MNAT1: variants seen among roughly 807,000 people sequenced by gnomAD.
The protein encoded by MNAT1 is CDK-activating kinase assembly factor MAT1.
MNAT1 carries 43 observed loss-of-function variants against 42.0 expected under a neutral mutation model. That is an observed-to-expected ratio of 1.02 (90% CI 0.80 to 1.32). MNAT1 has a LOEUF of 1.32. MNAT1 is among the 40% of genes most tolerant of loss of function. The pLI is 0.00. For synonymous variants in MNAT1, 118 were observed against 120.0 expected (o/e 0.98, Z 0.11); for missense variants, 306 against 350.4 (o/e 0.87, Z 1.01).
At chr14:60,928,862 C>T (rs1306619651) in intron 7 of MNAT1, among the ~76,000 whole-genome samples, 1 of 151,490 alleles carries the variant, frequency 6.6e-6, no homozygotes, top group African/African-American at 2.4e-5. Flanking sequence ...TAATCTGTGG[C>T]TGGGCACAGT....
At chr14:60,798,218 A>G (rs1229583633) in intron 3 of MNAT1, 58 bp downstream of exon 3, 14 of 897,586 alleles carry the variant, frequency 1.6e-5, no homozygotes, top group Non-Finnish European at 2.3e-5. Context: ...TATCTTTTAA[A>G]TGCTTAGGAG....
At chr14:60,871,966 A>G (rs973032418) in intron 6 of MNAT1, among the ~76,000 whole-genome samples, 4 of 152,204 alleles carry the variant, frequency 2.6e-5, no homozygotes, top group Admixed American at 2.0e-4. Context: ...TGATCGAATT[A>G]TAAAATATGT....
At chr14:60,886,644 A>G (rs2034679353) in intron 7 of MNAT1, among the ~76,000 whole-genome samples, 1 of 152,026 alleles carries the variant, frequency 6.6e-6, no homozygotes, top group Non-Finnish European at 1.5e-5. Flanking sequence ...CAAAAAAGCT[A>G]ATGTAATGTT....
chr14:60,899,331 A>G (rs865919564), intron 7 of MNAT1, among the ~76,000 whole-genome samples: 2 of 152,232 alleles, frequency 1.3e-5, no homozygotes, highest in African/African-American at 4.8e-5. Context: ...GTCACAAGAC[A>G]TGATAATATC....
intron 1 of MNAT1, among the ~76,000 whole-genome samples, chr14:60,766,370 A>G (rs904628380): frequency 6.6e-6 from 1 of 151,452 alleles, no homozygotes; most frequent in Non-Finnish European, 1.5e-5. Context: ...AAAAAAAGAA[A>G]TACAAATTAC....
intron 6 of MNAT1, among the ~76,000 whole-genome samples, chr14:60,843,521 C>T (rs970823954): frequency 3.3e-5 from 5 of 152,110 alleles, no homozygotes; most frequent in Non-Finnish European, 5.9e-5. Context: ...CCGCCTGTCT[C>T]GGCCTCCCAA....
intron 7 of MNAT1, among the ~76,000 whole-genome samples, chr14:60,915,603 C>T (rs2035495300): frequency 6.6e-6 from 1 of 152,166 alleles, no homozygotes; most frequent in African/African-American, 2.4e-5. Context: ...TGCTTTGTTT[C>T]AGCCTCCTTA....
Position 60,968,491 on chromosome 14 carries a change from T to A in MNAT1, c.*142T>A. ...TTAAAGTATTTATAAGGAGAAAATT[T>A]CAGAACTAAGTTGAGTAATATAGGG... On this transcript the variant is annotated 3_prime_UTR_variant, in exon 8 of 8. Coordinates refer to ENST00000261245, the MANE Select transcript of MNAT1 (RefSeq NM_002431.4). 6.7e-7 allele frequency: 1 copy of A among 1,502,616 alleles called. No individual in the cohort carries two copies. The highest frequency in any genetic ancestry group is 2.5e-5 in the East Asian group (1 of 39,358). The allele number at this position is 1,502,616 out of a possible 1,614,324, so 93.1% of individuals were successfully genotyped here.
chr14:60,751,265 AT>A (rs934980933), intron 1 of MNAT1, among the ~76,000 whole-genome samples: 7 of 151,158 alleles, frequency 4.6e-5, no homozygotes, highest in East Asian at 1.9e-4. Flanking sequence ...GACTAAATAC[AT>A]TTTTTTTTAC....
At chr14:60,918,639 T>C (rs2035584496) in intron 7 of MNAT1, among the ~76,000 whole-genome samples, 1 of 151,658 alleles carries the variant, frequency 6.6e-6, no homozygotes, top group African/African-American at 2.4e-5. Flanking sequence ...TGAAAGGATG[T>C]TGACACACGT....
intron 1 of MNAT1, among the ~76,000 whole-genome samples, chr14:60,772,760 A>AGATTTCTTGAT (rs1406934929): frequency 5.9e-5 from 9 of 152,108 alleles, no homozygotes; most frequent in African/African-American, 2.2e-4. Context: ...AGCTAGTCTG[A>AGATTTCTTGAT]GATTTCTTGA....
At chr14:60,794,001 ATATAT>A (rs2031917421) in intron 1 of MNAT1, among the ~76,000 whole-genome samples, 1 of 152,318 alleles carries the variant, frequency 6.6e-6, no homozygotes, top group Middle Eastern at 3.4e-3. Context: ...TTTGGAAACA[ATATAT>A]TATGTCTAAT....
At chr14:60,939,541 T>G in intron 7 of MNAT1, among the ~76,000 whole-genome samples, 1 of 152,220 alleles carries the variant, frequency 6.6e-6, no homozygotes, top group Non-Finnish European at 1.5e-5. Context: ...GTTGAGTGGT[T>G]TTCAGTGAGT....
chr14:60,831,416 G>C (rs1294016146), intron 6 of MNAT1, among the ~76,000 whole-genome samples: 1 of 152,172 alleles, frequency 6.6e-6, no homozygotes, highest in Non-Finnish European at 1.5e-5. Context: ...TTATGAGTGA[G>C]AACATGTGGT....
chr14:60,843,438 T>C (rs891099832), intron 6 of MNAT1, among the ~76,000 whole-genome samples: 1 of 151,868 alleles, frequency 6.6e-6, no homozygotes, highest in Non-Finnish European at 1.5e-5. Flanking sequence ...GCCCGGCTAA[T>C]TTTTGGTATT....
intron 7 of MNAT1, among the ~76,000 whole-genome samples, chr14:60,931,731 T>A (rs1192094551): frequency 6.6e-6 from 1 of 152,104 alleles, no homozygotes; most frequent in African/African-American, 2.4e-5. Flanking sequence ...CTACTTACTT[T>A]AATGCATATA....
At chr14:60,791,262 A>G (rs2031806887) in intron 1 of MNAT1, among the ~76,000 whole-genome samples, 3 of 152,190 alleles carry the variant, frequency 2.0e-5, no homozygotes, top group Admixed American at 2.0e-4. Flanking sequence ...GAGTTCTAAG[A>G]TAATGAAAAA....
intron 1 of MNAT1, among the ~76,000 whole-genome samples, chr14:60,756,925 A>G (rs966339728): frequency 1.3e-5 from 2 of 152,298 alleles, no homozygotes; most frequent in Middle Eastern, 3.4e-3. Context: ...GTAGTAGCCT[A>G]CAGTTTCTCT....
chr14:60,804,715 T>G (rs907038121), intron 3 of MNAT1, among the ~76,000 whole-genome samples: 1 of 152,110 alleles, frequency 6.6e-6, no homozygotes, highest in Non-Finnish European at 1.5e-5. Context: ...AGTTTTTAAT[T>G]TTATTTTTTT....
Sources: gnomAD v4.1 joint callset for allele counts (sites outside exome capture counted in the v4.1 genomes callset) on GRCh38, gnomAD v4.1.1 for gene constraint, MANE v1.5 for transcripts, NCBI Gene and HGNC (gene_info 2026-07-23, HGNC 2026-07-21) for gene names.